CWC27: variants seen among roughly 807,000 people sequenced by gnomAD.
The protein encoded by CWC27 is CWC27 spliceosome associated cyclophilin.
Under a neutral mutation model 63.6 loss-of-function variants are expected in CWC27, and 47 were observed. That is an observed-to-expected ratio of 0.74 (90% CI 0.58 to 0.94). The LOEUF is 0.94. CWC27 is among the 40% of genes least tolerant of loss of function. CWC27 has a pLI of 0.00. For synonymous variants in CWC27, 175 were observed against 179.8 expected (o/e 0.97, Z 0.22); for missense variants, 495 against 554.3 (o/e 0.89, Z 1.07).
At chr5:64,978,193 A>T (rs182624612) in intron 13 of CWC27, among the ~76,000 whole-genome samples, 1 of 152,334 alleles carries the variant, frequency 6.6e-6, no homozygotes, top group Admixed American at 6.5e-5. Flanking sequence ...ATTTAAAAAG[A>T]CATAAAAACA....
intron 11 of CWC27, among the ~76,000 whole-genome samples, chr5:64,914,114 G>A (rs1747843275): frequency 6.6e-6 from 1 of 151,962 alleles, no homozygotes; most frequent in Non-Finnish European, 1.5e-5. Flanking sequence ...TTAATTTGAG[G>A]AAAGAAAAAT....
At chr5:64,929,796 A>G (rs1748201239) in intron 11 of CWC27, among the ~76,000 whole-genome samples, 2 of 152,114 alleles carry the variant, frequency 1.3e-5, no homozygotes, top group South Asian at 4.1e-4. Context: ...ACTGCTTTGG[A>G]AAAAAAGTTT....
intron 11 of CWC27, among the ~76,000 whole-genome samples, chr5:64,956,179 A>T (rs1325678236): frequency 6.6e-6 from 1 of 152,198 alleles, no homozygotes; most frequent in African/African-American, 2.4e-5. Context: ...ATAATTAGGT[A>T]TAGGAATATT....
intron 7 of CWC27, among the ~76,000 whole-genome samples, chr5:64,797,826 C>G (rs1744334292): frequency 6.6e-6 from 1 of 152,110 alleles, no homozygotes; most frequent in Admixed American, 6.5e-5. Context: ...AACTAACATT[C>G]ACAAGGAAGT....
intron 11 of CWC27, among the ~76,000 whole-genome samples, chr5:64,912,568 G>A (rs891354183): frequency 3.7e-4 from 57 of 152,118 alleles, no homozygotes; most frequent in African/African-American, 1.3e-3. Context: ...AAAAATGCAT[G>A]TAGTGTAGGA....
chr5:64,772,817 G>C (rs532634525), intron 1 of CWC27, among the ~76,000 whole-genome samples: 1 of 149,970 alleles, frequency 6.7e-6, no homozygotes, highest in African/African-American at 2.5e-5. Flanking sequence ...GGTGCCTGTA[G>C]TCCCAGCTAC....
chr5:64,896,774 A>G (rs1363939821), intron 11 of CWC27, among the ~76,000 whole-genome samples: 1 of 152,140 alleles, frequency 6.6e-6, no homozygotes, highest in Non-Finnish European at 1.5e-5. Flanking sequence ...ATGGCATGAG[A>G]GATAGGAGAA....
At chr5:64,980,999 C>G (rs1406307519) in intron 13 of CWC27, among the ~76,000 whole-genome samples, 2 of 151,860 alleles carry the variant, frequency 1.3e-5, no homozygotes, top group African/African-American at 2.4e-5. Flanking sequence ...GGCTGAGGCA[C>G]GAGAATCGCT....
chr5:64,986,920 T>C (rs1424912114), intron 13 of CWC27, among the ~76,000 whole-genome samples: 1 of 151,284 alleles, frequency 6.6e-6, no homozygotes, highest in African/African-American at 2.4e-5. Flanking sequence ...AAAAAAATCA[T>C]TTTTTTCCAG....
At chr5:64,792,288 T>TG (rs1420792937) in intron 7 of CWC27, among the ~76,000 whole-genome samples, 3 of 152,146 alleles carry the variant, frequency 2.0e-5, no homozygotes, top group Non-Finnish European at 4.4e-5. Context: ...GCGAGGGGCC[T>TG]GGGAAGCTGT....
chr5:64,803,488 T>G (rs545633959), intron 9 of CWC27, among the ~76,000 whole-genome samples: 1 of 152,248 alleles, frequency 6.6e-6, no homozygotes, highest in South Asian at 2.1e-4. Flanking sequence ...GATAAGTACT[T>G]TGGAAAATAA....
chr5:64,850,670 A>G (rs1177359662), intron 10 of CWC27, among the ~76,000 whole-genome samples: 1 of 152,198 alleles, frequency 6.6e-6, no homozygotes, highest in Non-Finnish European at 1.5e-5. Flanking sequence ...CGTCTAATAA[A>G]GGGTTAATGT....
At chr5:64,787,624 A>G (rs571837587) in intron 6 of CWC27, among the ~76,000 whole-genome samples, 3 of 152,118 alleles carry the variant, frequency 2.0e-5, no homozygotes, top group Non-Finnish European at 2.9e-5. Flanking sequence ...TTTCCAGAAG[A>G]TAATTTTCCA....
At chr5:64,854,332 C>T (rs942422579) in intron 10 of CWC27, among the ~76,000 whole-genome samples, 1 of 152,180 alleles carries the variant, frequency 6.6e-6, no homozygotes. Context: ...GGCCATGTGG[C>T]CATTCTGCTT....
Position 64,853,360 on chromosome 5 carries a change from C to G in CWC27, c.939-32083C>G, listed in dbSNP as rs575574915. ...TCAACAGATGACCAAGAATTTAATT[C>G]TCTTCATATTTATTGAGCACTATCA... is the stretch of plus-strand genomic sequence containing the variant. On this transcript the variant is annotated intron_variant, in intron 10 of 13. Coordinates refer to ENST00000381070, the MANE Select transcript of CWC27 (RefSeq NM_005869.4). Among the ~76,000 whole-genome samples, 3 of 152,316 alleles carry G rather than the reference C, an allele frequency of 2.0e-5. No individual in the cohort carries two copies. In the South Asian group the frequency reaches 6.2e-4, roughly 32 times the overall value.
intron 11 of CWC27, among the ~76,000 whole-genome samples, chr5:64,931,242 A>G (rs992074726): frequency 3.9e-5 from 6 of 152,062 alleles, no homozygotes; most frequent in Non-Finnish European, 7.4e-5. Context: ...AAAGGGCCAT[A>G]ATATATGCAA....
chr5:64,998,629 G>A (rs1390134259), intron 13 of CWC27, among the ~76,000 whole-genome samples: 2 of 151,556 alleles, frequency 1.3e-5, no homozygotes, highest in Non-Finnish European at 2.9e-5. Flanking sequence ...CCAAACTGAG[G>A]GGGCAATATA....
intron 7 of CWC27, among the ~76,000 whole-genome samples, chr5:64,792,447 C>T (rs533480232): frequency 6.6e-6 from 1 of 152,216 alleles, no homozygotes; most frequent in Non-Finnish European, 1.5e-5. Context: ...CCTGAAATGT[C>T]CCATCACACC....
intron 13 of CWC27, among the ~76,000 whole-genome samples, chr5:65,016,023 G>A (rs1325270412): frequency 6.6e-6 from 1 of 152,192 alleles, no homozygotes; most frequent in Non-Finnish European, 1.5e-5. Flanking sequence ...TTAGACCTTG[G>A]TGAGATATCA....
Sources: allele counts gnomAD v4.1 joint callset (sites outside exome capture counted in the v4.1 genomes callset), GRCh38; gene constraint gnomAD v4.1.1; transcripts MANE v1.5; gene names NCBI Gene and HGNC (gene_info 2026-07-23, HGNC 2026-07-21).